Variants in AP3B1 observed in about 807,000 individuals in gnomAD.
AP3B1 encodes the protein AP-3 complex subunit beta-1.
In AP3B1, 61 loss-of-function variants were observed where a neutral mutation model predicts 132.5. The observed-to-expected ratio is 0.46, with a 90% CI of 0.37 to 0.57. The LOEUF (loss-of-function observed/expected upper bound fraction) is 0.57, where lower values mean the gene tolerates loss of function less well. Ranked by LOEUF, AP3B1 falls within the 20% of genes least tolerant of loss-of-function variation. The probability of loss-of-function intolerance (pLI) is 0.00; values close to 1 mark genes in which losing one functional copy is unlikely to be tolerated. For synonymous variants in AP3B1, 388 were observed against 438.3 expected, an observed-to-expected ratio of 0.89 and a Z score of 1.43; for missense variants, 1,120 against 1,289.4, an observed-to-expected ratio of 0.87 and a Z score of 2.01.
intron 18 of AP3B1, among the ~76,000 whole-genome samples, chr5:78,114,848 C>G (rs1368768938): frequency 6.6e-6 from 1 of 152,204 alleles, no homozygotes; most frequent in Non-Finnish European, 1.5e-5. Context: ...CATGGGTTCT[C>G]AAGTTAGTGT....
chr5:78,269,547 T>C (rs1448598548), intron 1 of AP3B1, among the ~76,000 whole-genome samples: 1 of 152,220 alleles, frequency 6.6e-6, no homozygotes, highest in Non-Finnish European at 1.5e-5. Context: ...GGCTATTATG[T>C]AGTGTAAATT....
chr5:78,259,762 G>A (rs1425767136), intron 2 of AP3B1, among the ~76,000 whole-genome samples: 1 of 152,154 alleles, frequency 6.6e-6, no homozygotes, highest in Non-Finnish European at 1.5e-5. Flanking sequence ...GACGGTAGGA[G>A]TTGGAGACCA....
intron 22 of AP3B1, chr5:78,087,816 A>T (rs1750327823): frequency 4.4e-6 from 2 of 451,226 alleles, no homozygotes; most frequent in African/African-American, 4.3e-5. Flanking sequence ...GTCTACACTC[A>T]GAGTCCATTA....
intron 1 of AP3B1, among the ~76,000 whole-genome samples, chr5:78,271,690 C>T (rs10038660): frequency 0.24 from 36,261 of 152,080 alleles, 5,162 homozygotes; most frequent in Non-Finnish European, 0.32. Context: ...TCTGACTTTT[C>T]TCTCTCTTGC....
chr5:78,086,415 G>A (rs1750256279), intron 22 of AP3B1, among the ~76,000 whole-genome samples: 1 of 152,162 alleles, frequency 6.6e-6, no homozygotes, highest in Non-Finnish European at 1.5e-5. Flanking sequence ...ACAATCCTAT[G>A]AGGTAGGTAG....
chr5:78,262,723 C>G (rs978571237), intron 2 of AP3B1, among the ~76,000 whole-genome samples: 25 of 149,634 alleles, frequency 1.7e-4, no homozygotes, highest in Non-Finnish European at 3.1e-4. Context: ...GATGGGGTCT[C>G]GCTCTGTTGC....
At chr5:78,223,235 T>C (rs77853392) in intron 6 of AP3B1, among the ~76,000 whole-genome samples, 10,522 of 152,046 alleles carry the variant, frequency 0.069, 483 homozygotes, top group Non-Finnish European at 0.11. Flanking sequence ...CTCTGTGCTA[T>C]ACCACCAGAA....
chr5:78,076,864 A>T (rs1561390258), intron 22 of AP3B1, among the ~76,000 whole-genome samples: 1 of 152,134 alleles, frequency 6.6e-6, no homozygotes, highest in Non-Finnish European at 1.5e-5. Flanking sequence ...CACATTTGGA[A>T]CCCTCCTAGA....
At chr5:78,267,709 G>T in intron 1 of AP3B1, 114 bp from the exon 2 acceptor site, 1 of 641,786 alleles carries the variant, frequency 1.6e-6, no homozygotes, top group Non-Finnish European at 2.6e-6. Flanking sequence ...TTAAATAACT[G>T]CAGCAAGAAG....
At chr5:78,208,781 T>C (rs1745615746) in intron 7 of AP3B1, among the ~76,000 whole-genome samples, 1 of 152,138 alleles carries the variant, frequency 6.6e-6, no homozygotes, top group Non-Finnish European at 1.5e-5. Flanking sequence ...ATGCTTCATA[T>C]AGTGACATGA....
At chr5:78,055,357 C>A (rs1018347686) in intron 22 of AP3B1, among the ~76,000 whole-genome samples, 1 of 152,064 alleles carries the variant, frequency 6.6e-6, no homozygotes, top group Non-Finnish European at 1.5e-5. Context: ...GGCAGTGGTA[C>A]GAAGGAAAAC....
At chr5:78,245,538 C>A (rs1445368135) in intron 2 of AP3B1, among the ~76,000 whole-genome samples, 1 of 152,128 alleles carries the variant, frequency 6.6e-6, no homozygotes, top group African/African-American at 2.4e-5. Flanking sequence ...TTTTTATGGC[C>A]AGTTTATACA....
chr5:78,165,402 A>G (rs1580431091), intron 12 of AP3B1, among the ~76,000 whole-genome samples: 1 of 152,212 alleles, frequency 6.6e-6, no homozygotes, highest in East Asian at 1.9e-4. Flanking sequence ...TTCAAAGTCT[A>G]TGAAAATATG....
At chr5:78,123,491 A>T (rs961326112) in intron 17 of AP3B1, among the ~76,000 whole-genome samples, 5 of 152,152 alleles carry the variant, frequency 3.3e-5, no homozygotes, top group Non-Finnish European at 5.9e-5. Context: ...GAACTCAAAC[A>T]AATTTACAAG....
rs753843288 is a variant in AP3B1 at position 78,191,105 on chromosome 5, C to G, written c.787-9443G>C. Among the ~76,000 whole-genome samples the G allele has an allele frequency of 4.0e-4, 61 of 151,876 alleles. 3 individuals are homozygous for G. Among genetic ancestry groups the G allele is most frequent in the Non-Finnish European group, 2.2e-4 (15 of 67,972 alleles). ...ATAAAAGATGTCATTTTTAACTAAG[C>G]CTTTAGAGAACACTTTTTAAAAACA... On this transcript the variant is annotated intron_variant, in intron 7 of 26. Coordinates refer to ENST00000255194, the MANE Select transcript of AP3B1 (RefSeq NM_003664.5).
chr5:78,096,820 G>A (rs1356689881), intron 21 of AP3B1, among the ~76,000 whole-genome samples: 12 of 150,816 alleles, frequency 8.0e-5, no homozygotes, highest in East Asian at 2.0e-4. Context: ...CCCGGCAGCC[G>A]CCCCGTCCGG....
At chr5:78,090,038 C>A (rs369591952) in intron 21 of AP3B1, among the ~76,000 whole-genome samples, 1 of 152,108 alleles carries the variant, frequency 6.6e-6, no homozygotes, top group South Asian at 2.1e-4. Context: ...AGAACTGATA[C>A]CTGTAAGTTT....
intron 14 of AP3B1, among the ~76,000 whole-genome samples, chr5:78,154,801 T>G (rs1308721810): frequency 6.6e-6 from 1 of 152,186 alleles, no homozygotes; most frequent in African/African-American, 2.4e-5. Flanking sequence ...TTGATTCTTT[T>G]TTACTATTTC....
At chr5:78,056,977 G>C (rs530755439) in intron 22 of AP3B1, among the ~76,000 whole-genome samples, 1 of 152,064 alleles carries the variant, frequency 6.6e-6, no homozygotes, top group African/African-American at 2.4e-5. Flanking sequence ...CTTTTAAAAA[G>C]GTCGGTGTCC....
Sources: gnomAD v4.1 joint callset for allele counts (sites outside exome capture counted in the v4.1 genomes callset) on GRCh38, gnomAD v4.1.1 for gene constraint, MANE v1.5 for transcripts, NCBI Gene and HGNC (gene_info 2026-07-23, HGNC 2026-07-21) for gene names.